Variants in ANXA6 observed in about 807,000 individuals in gnomAD.
ANXA6 encodes 67 kDa calelectrin.
A neutral mutation model predicts 95.4 loss-of-function variants in ANXA6; 71 were observed. The ratio of observed to expected loss-of-function variants is 0.74; its 90% CI spans 0.61 to 0.91. The LOEUF (loss-of-function observed/expected upper bound fraction) is 0.91. Ranked by LOEUF, ANXA6 falls within the 40% of genes least tolerant of loss-of-function variation. The pLI, the probability that ANXA6 is intolerant of heterozygous loss-of-function variation, is 0.00. For synonymous variants in ANXA6, 289 were observed against 315.9 expected (o/e 0.91, Z 0.90); for missense variants, 830 against 876.4 (o/e 0.95, Z 0.67).
At position 151,110,649 on chromosome 5, in the gene ANXA6, G is replaced by C. The variant is rs760243881; in HGVS notation, c.1573-5C>G. 4 of 1,613,414 alleles carry C rather than the reference G, an allele frequency of 2.5e-6. No individual in the cohort carries two copies. The South Asian group carries it at 4.4e-5, about 18-fold the overall frequency. ...CACCAAGATCTCAGCAGCCACCTGA[G>C]AGCAGGGAGGGGAGAGAGGAGGGAG... On this transcript the variant is annotated splice_region_variant and splice_polypyrimidine_tract_variant and intron_variant, in intron 20 of 25. Coordinates refer to ENST00000354546, the MANE Select transcript of ANXA6 (RefSeq NM_001155.5).
intron 25 of ANXA6, among the ~76,000 whole-genome samples, chr5:151,102,991 T>C (rs1764590019): frequency 6.6e-6 from 1 of 152,036 alleles, no homozygotes; most frequent in South Asian, 2.1e-4. Flanking sequence ...TGTAAGTTTT[T>C]CGTTTGTTTG....
At chr5:151,143,039 AAG>A (rs1765879023) in intron 2 of ANXA6, among the ~76,000 whole-genome samples, 1 of 152,166 alleles carries the variant, frequency 6.6e-6, no homozygotes, top group Admixed American at 6.5e-5. Flanking sequence ...CACTTGGAAT[AAG>A]AGAGGGAAAG....
Position 151,140,141 on chromosome 5 carries a change from C to T in ANXA6, c.109+12G>A. 1 of 1,613,532 alleles carries T rather than the reference C, an allele frequency of 6.2e-7. No individual in the cohort carries two copies. Among genetic ancestry groups the T allele is most frequent in the East Asian group, 2.2e-5 (1 of 44,882 alleles). ...GGATACCCCTCAAGCTCCCATGAAG[C>T]CTGGCACCCACCAAAGCCCTTCATG... On this transcript the variant is annotated intron_variant, in intron 3 of 25. Transcript: ENST00000354546.
Position 151,105,265 on chromosome 5 carries a change from T to C in ANXA6, c.1819A>G (p.Lys607Glu). ...CTTACCTTCATGGATTTGTAAAGTT[T>C]GTCGGCAAAGAAGAGAGGCTTGTTC... is the stretch of plus-strand genomic sequence containing the variant. Reference protein sequence around the residue: ...VKNKPLFFADKLYKSMKGAGT... With the variant: ...VKNKPLFFADELYKSMKGAGT... The change falls in exon 24 of 26, where the codon AAA becomes GAA. Residue 607 changes from lysine to glutamate, a missense_variant. Physicochemically the swap from Lys to Glu is moderately conservative, Grantham distance 56 (BLOSUM62 1). Coordinates refer to ENST00000354546, the MANE Select transcript of ANXA6 (RefSeq NM_001155.5). 1.9e-6 allele frequency: 3 copies of C among 1,613,986 alleles called. No homozygotes were observed. Among genetic ancestry groups the C allele is most frequent in the Non-Finnish European group, 2.5e-6 (3 of 1,179,850 alleles).
At chr5:151,131,101 G>A in intron 11 of ANXA6, 130 bp downstream of exon 11, 1 of 900,464 alleles carries the variant, frequency 1.1e-6, no homozygotes. Flanking sequence ...CTGCGACAGA[G>A]CACCTTCACC....
intron 12 of ANXA6, among the ~76,000 whole-genome samples, chr5:151,129,189 C>G (rs898770270): frequency 6.6e-6 from 1 of 152,254 alleles, no homozygotes; most frequent in South Asian, 2.1e-4. Flanking sequence ...CAGCCCCTGC[C>G]TCCTTCTGTA....
intron 1 of ANXA6, among the ~76,000 whole-genome samples, chr5:151,148,769 C>T (rs1031105567): frequency 2.6e-5 from 4 of 152,048 alleles, no homozygotes; most frequent in East Asian, 3.9e-4. Context: ...GGGCACACCG[C>T]GGGGTGGTGC....
Position 151,138,802 on chromosome 5 carries a change from G to A in ANXA6, c.205-11C>T. 1 of 1,566,518 alleles carries A rather than the reference G, an allele frequency of 6.4e-7. No homozygotes were observed. The highest frequency in any genetic ancestry group is 8.8e-7 in the Non-Finnish European group (1 of 1,137,984). ...ATCAGCAATGAGGTCCTGGCAGGTG[G>A]GGAAGAAGAGGAGATAGAAGAGGAA... is the stretch of plus-strand genomic sequence containing the variant. On this transcript the variant is annotated splice_polypyrimidine_tract_variant and intron_variant, in intron 4 of 25. Transcript: ENST00000354546.
At chr5:151,134,728 A>G (rs1180914813) in intron 7 of ANXA6, among the ~76,000 whole-genome samples, 1 of 151,986 alleles carries the variant, frequency 6.6e-6, no homozygotes, top group East Asian at 1.9e-4. Flanking sequence ...AAGAACAACC[A>G]AGGTTCTTCC....
rs1765691788 is a variant in ANXA6, at chr5:151,137,265, C to T, written c.375G>A (p.Glu125=). The change falls in exon 6 of 26, where the codon GAG becomes GAA. Residue 125 remains glutamate, a synonymous_variant. Coordinates refer to ENST00000354546, the MANE Select transcript of ANXA6 (RefSeq NM_001155.5). The part of the protein sequence containing the change: ...LIEILASRTN[E]QMHQLVAAYK... ...ATGCTGCCACCAGCTGGTGCATCTGCTCATTGGTCCGGGAAGCCAAGATCT... is the reference window on the plus strand; with the variant it reads ...ATGCTGCCACCAGCTGGTGCATCTGTTCATTGGTCCGGGAAGCCAAGATCT... The T allele has an allele frequency of 1.2e-6, 2 of 1,613,612 alleles. No individual in the cohort carries two copies. The highest frequency in any genetic ancestry group is 2.2e-5 in the East Asian group (1 of 44,890).
Position 151,139,397 on chromosome 5 carries a change from G to A in ANXA6, c.160C>T (p.Gln54Ter). The part of the protein sequence containing the change: ...LDIITSRSNR[Q>*]RQEVCQSYKS... ...TAGCTCTGGCAGACCTCCTGCCTCT[G>A]CCTGTTGCTCCGTGAGGTGATTATG... The change falls in exon 4 of 26, where the codon CAG becomes TAG. Residue 54 changes from glutamine to a stop codon, truncating the protein, a stop_gained. Coordinates refer to ENST00000354546, the MANE Select transcript of ANXA6 (RefSeq NM_001155.5). LOFTEE classifies it high-confidence loss of function. 6.2e-7 allele frequency: 1 copy of A among 1,613,590 alleles called. No homozygotes were observed. Among genetic ancestry groups the A allele is most frequent in the Non-Finnish European group, 8.5e-7 (1 of 1,179,648 alleles).
intron 2 of ANXA6, among the ~76,000 whole-genome samples, chr5:151,140,807 C>T (rs1765814739): frequency 6.6e-6 from 1 of 152,150 alleles, no homozygotes; most frequent in African/African-American, 2.4e-5. Context: ...TGTAGACGCT[C>T]TTAAGATTAT....
chr5:151,124,240 C>G, intron 15 of ANXA6, 46 bp downstream of exon 15: 6 of 1,571,016 alleles, frequency 3.8e-6, no homozygotes, highest in Non-Finnish European at 5.2e-6. Flanking sequence ...ACCCACCACA[C>G]CTGCTGCCCT....
chr5:151,119,439 T>C (rs770150455), intron 17 of ANXA6, 49 bp from the exon 18 acceptor site: 2 of 1,533,792 alleles, frequency 1.3e-6, no homozygotes, highest in East Asian at 2.3e-5. Flanking sequence ...TGACCTCCTG[T>C]GCAGAGGTCC....
At position 151,105,241 on chromosome 5, in the gene ANXA6, T is replaced by C. The variant is rs1318965398; in HGVS notation, c.1839+4A>G. 6.2e-7 allele frequency: 1 copy of C among 1,613,712 alleles called. No individual in the cohort carries two copies. The highest frequency in any genetic ancestry group is 8.5e-7 in the Non-Finnish European group (1 of 1,179,594). On this transcript the variant is annotated splice_donor_region_variant and intron_variant, in intron 24 of 25. Transcript: ENST00000354546. ...GGGAAAGGAACGCCAGCATGTTTTC[T>C]TACCTTCATGGATTTGTAAAGTTTG... is the stretch of plus-strand genomic sequence containing the variant.
intron 1 of ANXA6, chr5:151,155,452 C>T (rs2303038): frequency 0.16 from 24,725 of 152,070 alleles, 2,528 homozygotes; most frequent in Non-Finnish European, 0.22. Context: ...CAGTCACTCC[C>T]CCATAGCCAG....
intron 11 of ANXA6, among the ~76,000 whole-genome samples, chr5:151,129,830 C>G (rs1184120647): frequency 2.0e-5 from 3 of 152,122 alleles, no homozygotes; most frequent in African/African-American, 7.2e-5. Flanking sequence ...CCTGCCTCAG[C>G]TTCCTGAGCA....
intron 13 of ANXA6, among the ~76,000 whole-genome samples, chr5:151,127,333 A>G (rs7706092): frequency 0.26 from 40,133 of 152,216 alleles, 5,521 homozygotes; most frequent in South Asian, 0.36. Context: ...AGGAAATCAG[A>G]GCGCAGCCTG....
chr5:151,100,960 G>A lies in ANXA6; in HGVS notation c.*488C>T, dbSNP rs574679118. 21 of 456,924 alleles carry A rather than the reference G, an allele frequency of 4.6e-5. No individual in the cohort carries two copies. The highest frequency in any genetic ancestry group is 1.9e-4 in the South Asian group (12 of 64,572). The allele number at this position is 456,924 out of a possible 1,614,324, so 28.3% of individuals were successfully genotyped here. A position where few individuals can be genotyped will look rare whatever the true frequency, so the allele number is the denominator to read the frequency against. ...AATTCCTGGTCCAGTACTCTAGCGC[G>A]GCCTGGATGGAGATGGGTGGTGAAA... On this transcript the variant is annotated 3_prime_UTR_variant, in exon 26 of 26. Transcript: ENST00000354546.
Sources: allele counts gnomAD v4.1 joint callset (sites outside exome capture counted in the v4.1 genomes callset), GRCh38; gene constraint gnomAD v4.1.1; transcripts MANE v1.5; gene names NCBI Gene and HGNC (gene_info 2026-07-23, HGNC 2026-07-21).